The following DMXL1 variants were observed in gnomAD, a reference collection of about 807,000 sequenced individuals.
DMXL1 encodes the protein dmX-like protein 1.
DMXL1 carries 99 observed loss-of-function variants against 319.2 expected under a neutral mutation model. The observed-to-expected ratio is 0.31, with a 90% CI of 0.26 to 0.37. DMXL1 has a LOEUF of 0.37. Ranked by LOEUF, DMXL1 falls within the 10% of genes least tolerant of loss-of-function variation. The probability of loss-of-function intolerance (pLI) is 1.00; values close to 1 mark genes in which losing one functional copy is unlikely to be tolerated. For synonymous variants in DMXL1, 1,385 were observed against 1,235.2 expected (o/e 1.12, Z -2.54); for missense variants, 3,745 against 3,595.6 (o/e 1.04, Z -1.06).
intron 1 of DMXL1, among the ~76,000 whole-genome samples, chr5:119,092,112 T>C (rs146410772): frequency 2.0e-5 from 3 of 151,664 alleles, no homozygotes; most frequent in African/African-American, 7.3e-5. Context: ...GGGGGAGGGG[T>C]GTTGTGAATG....
intron 29 of DMXL1, among the ~76,000 whole-genome samples, chr5:119,193,119 G>C (rs966666961): frequency 1.3e-5 from 2 of 152,076 alleles, no homozygotes; most frequent in African/African-American, 4.8e-5. Context: ...TCTCATAAGA[G>C]AGTGATCGTA....
chr5:119,222,450 C>T (rs1365141047), intron 37 of DMXL1, among the ~76,000 whole-genome samples: 2 of 152,110 alleles, frequency 1.3e-5, no homozygotes, highest in Non-Finnish European at 2.9e-5. Flanking sequence ...TGTTACAATT[C>T]ATTGGTAAAA....
chr5:119,144,366 T>C (rs1212152561), intron 14 of DMXL1, among the ~76,000 whole-genome samples, 170 bp from the exon 15 acceptor site: 2 of 151,850 alleles, frequency 1.3e-5, no homozygotes, highest in African/African-American at 2.4e-5. Context: ...CCTAAATTTT[T>C]ATATTCATCT....
At chr5:119,227,479 G>C (rs554371623) in intron 38 of DMXL1, among the ~76,000 whole-genome samples, 1 of 152,242 alleles carries the variant, frequency 6.6e-6, no homozygotes, top group South Asian at 2.1e-4. Flanking sequence ...ATAGATTTGG[G>C]TTGATTGCTC....
intron 35 of DMXL1, among the ~76,000 whole-genome samples, chr5:119,218,120 T>G (rs1784009543): frequency 6.6e-6 from 1 of 152,128 alleles, no homozygotes; most frequent in Non-Finnish European, 1.5e-5. Context: ...CTCACACCTG[T>G]CATCCCAACA....
At chr5:119,122,267 A>C (rs1460796352) in intron 9 of DMXL1, among the ~76,000 whole-genome samples, 1 of 128,632 alleles carries the variant, frequency 7.8e-6, no homozygotes, top group Non-Finnish European at 1.6e-5. Context: ...CGGGGGGCCG[A>C]CCACCCCACC....
At chr5:119,114,348 GAT>G (rs1760340581) in intron 5 of DMXL1, 125 bp from the exon 6 acceptor site, 2 of 685,108 alleles carry the variant, frequency 2.9e-6, no homozygotes, top group East Asian at 5.7e-5. Flanking sequence ...GGTACACAAA[GAT>G]GTGGGTGTGA....
chr5:119,212,065 T>C (rs1049018005), intron 34 of DMXL1, among the ~76,000 whole-genome samples: 75 of 152,334 alleles, frequency 4.9e-4, no homozygotes, highest in African/African-American at 1.4e-3. Flanking sequence ...ATAAATAACA[T>C]AAAAGTTACC....
In DMXL1 at chr5:119,089,293, T is replaced by TATATATATATA. The variant is rs70982466; in HGVS notation, c.88-8686_88-8685insATATATATATA. Reference sequence around the variant, plus strand: ...ATATATATACATATATATATATATATTTTTTTTTTTTTTTTTTTTTTTTTT... The same window carrying TATATATATATA: ...ATATATATACATATATATATATATATATATATATATATTTTTTTTTTTTTTTTTTTTTTTTT... On this transcript the variant is annotated intron_variant, in intron 1 of 43. Coordinates refer to ENST00000539542, the MANE Select transcript of DMXL1 (RefSeq NM_001290321.3). Among the ~76,000 whole-genome samples, 36 of 25,312 alleles carry TATATATATATA rather than the reference T, an allele frequency of 1.4e-3. 1 individual carries two copies. Among genetic ancestry groups the TATATATATATA allele is most frequent in the Admixed American group, 6.9e-3 (9 of 1,296 alleles). 16.6% of individuals were successfully genotyped at this position (25,312 alleles called of 152,430 possible). A position where few individuals can be genotyped will look rare whatever the true frequency, so the allele number is the denominator to read the frequency against.
At chr5:119,217,982 G>T (rs948055276) in intron 35 of DMXL1, among the ~76,000 whole-genome samples, 3 of 152,006 alleles carry the variant, frequency 2.0e-5, no homozygotes, top group African/African-American at 7.2e-5. Context: ...AGACAGTTCT[G>T]TTATCAAAGA....
chr5:119,219,558 T>C (rs1784293863), intron 35 of DMXL1, among the ~76,000 whole-genome samples: 1 of 150,990 alleles, frequency 6.6e-6, no homozygotes. Flanking sequence ...ACACATTTAA[T>C]TAATTAATTA....
rs1350007114 is a variant in DMXL1 at position 119,199,791 on chromosome 5, A to G, written c.7745+1835A>G. ...ACCATTCTGACTGGTGTGAGATGGT[A>G]TCTCATTGTGCTTTTGATTTGCTTT... On this transcript the variant is annotated intron_variant, in intron 32 of 43. Coordinates refer to ENST00000539542, the MANE Select transcript of DMXL1 (RefSeq NM_001290321.3). 3.3e-5 allele frequency among the ~76,000 whole-genome samples: 5 copies of G among 152,172 alleles called. No homozygotes were observed. The East Asian group carries it at 7.7e-4, about 23-fold the overall frequency.
intron 38 of DMXL1, among the ~76,000 whole-genome samples, chr5:119,227,153 G>T (rs567405588): frequency 7.7e-4 from 118 of 152,296 alleles, no homozygotes; most frequent in African/African-American, 2.7e-3. Flanking sequence ...TTTAGTAGCT[G>T]TATGCCAGGA....
chr5:119,234,194 G>C (rs1409165412), intron 39 of DMXL1, among the ~76,000 whole-genome samples: 2 of 152,000 alleles, frequency 1.3e-5, no homozygotes, highest in African/African-American at 2.4e-5. Flanking sequence ...TTTTATGTTA[G>C]ACAGCAATCT....
chr5:119,162,875 G>A (rs977516084), intron 19 of DMXL1, among the ~76,000 whole-genome samples: 2 of 152,130 alleles, frequency 1.3e-5, no homozygotes, highest in African/African-American at 4.8e-5. Flanking sequence ...TTTTCAAAGT[G>A]TTCCGTATAG....
At chr5:119,180,126 A>G (rs916586143) in intron 28 of DMXL1, among the ~76,000 whole-genome samples, 1 of 152,204 alleles carries the variant, frequency 6.6e-6, no homozygotes, top group East Asian at 1.9e-4. Context: ...TTATTGGTCT[A>G]TTTGGAATAG....
intron 13 of DMXL1, among the ~76,000 whole-genome samples, chr5:119,135,377 C>T (rs1765770485): frequency 6.6e-6 from 1 of 152,042 alleles, no homozygotes; most frequent in African/African-American, 2.4e-5. Flanking sequence ...AGTTGCTGGT[C>T]AGGGAAAATT....
chr5:119,119,380 A>G (rs971452826), intron 8 of DMXL1, among the ~76,000 whole-genome samples: 2 of 152,122 alleles, frequency 1.3e-5, no homozygotes, highest in Non-Finnish European at 2.9e-5. Flanking sequence ...TAGAAAACCC[A>G]CCCCACCCCC....
At chr5:119,196,116 G>A (rs935832909) in intron 30 of DMXL1, among the ~76,000 whole-genome samples, 1 of 151,846 alleles carries the variant, frequency 6.6e-6, no homozygotes, top group African/African-American at 2.4e-5. Context: ...CTTCCTTATG[G>A]TTACCCTAAT....
Sources: allele counts gnomAD v4.1 joint callset (sites outside exome capture counted in the v4.1 genomes callset), GRCh38; gene constraint gnomAD v4.1.1; transcripts MANE v1.5; gene names NCBI Gene and HGNC (gene_info 2026-07-23, HGNC 2026-07-21).